The following PLCB4 variants were observed in gnomAD, a reference collection of about 807,000 sequenced individuals.
PLCB4 encodes the protein phospholipase C beta 4.
In PLCB4, 77 loss-of-function variants were observed where a neutral mutation model predicts 178.8. That is an observed-to-expected ratio of 0.43 (90% CI 0.36 to 0.52). The LOEUF (loss-of-function observed/expected upper bound fraction) is 0.52, where lower values mean the gene tolerates loss of function less well. Among genes scored for constraint, PLCB4 ranks in the 20% least tolerant of loss-of-function variants. PLCB4 has a pLI of 0.00. For missense variants in PLCB4, 1,024 were observed against 1,453.4 expected, an observed-to-expected ratio of 0.70 and a Z score of 4.80; for synonymous variants, 496 against 490.8, an observed-to-expected ratio of 1.01 and a Z score of -0.14.
intron 32 of PLCB4, among the ~76,000 whole-genome samples, chr20:9,451,176 G>A (rs923334287): frequency 6.6e-6 from 1 of 152,168 alleles, no homozygotes; most frequent in African/African-American, 2.4e-5. Flanking sequence ...CTCTTGTAGA[G>A]CATATTACAT....
chr20:9,244,114 G>A (rs1449565011), intron 3 of PLCB4, among the ~76,000 whole-genome samples: 1 of 152,100 alleles, frequency 6.6e-6, no homozygotes. Context: ...ATCTTGAGGT[G>A]TTGGTTAAGC....
At chr20:9,185,336 T>C (rs2093314483) in intron 2 of PLCB4, among the ~76,000 whole-genome samples, 1 of 152,196 alleles carries the variant, frequency 6.6e-6, no homozygotes, top group Admixed American at 6.5e-5. Context: ...TACTGAAATT[T>C]AGAAAGGGCA....
chr20:9,421,404 G>T lies in PLCB4; in HGVS notation c.2262G>T (p.Met754Ile). 8 of 1,613,950 alleles carry T rather than the reference G, an allele frequency of 5.0e-6. No homozygotes were observed. Among genetic ancestry groups the T allele is most frequent in the South Asian group, 1.1e-5 (1 of 91,066 alleles). Residue 754 changes from methionine to isoleucine, a missense_variant, in exon 27 of 40, where the codon ATG becomes ATT. By Grantham distance (10) the Met-to-Ile change is conservative. This residue lies in a region of PLCB4 where 227 missense variants were observed against 374.3 expected (regional missense o/e 0.61). Transcript: ENST00000378473. ...DTIRKEFRTR[M>I]VMNNGLNPVY... ...TACGTAAGGAATTCCGAACTCGCAT[G>T]GTTATGAATAATGGACTCAATCCAG...
intron 2 of PLCB4, among the ~76,000 whole-genome samples, chr20:9,110,216 T>TA (rs1285221739): frequency 6.6e-6 from 1 of 152,000 alleles, no homozygotes; most frequent in Non-Finnish European, 1.5e-5. Context: ...TTTTAAAACA[T>TA]ATAATAAAAA....
chr20:9,285,126 G>GC (rs1555775496), intron 3 of PLCB4, among the ~76,000 whole-genome samples: 1 of 146,818 alleles, frequency 6.8e-6, no homozygotes, highest in African/African-American at 2.5e-5. Flanking sequence ...TGCTAGGAAT[G>GC]TTTTTTTTTT....
intron 7 of PLCB4, among the ~76,000 whole-genome samples, chr20:9,350,348 T>G (rs1334618066): frequency 6.6e-6 from 1 of 152,168 alleles, no homozygotes; most frequent in Non-Finnish European, 1.5e-5. Flanking sequence ...ATGTATTATC[T>G]CATTTAACTC....
In PLCB4 at chr20:9,409,052, T is replaced by G; in HGVS notation, c.1875-5T>G. ...TTTTTTTCTGTTTTCCTTAATAAGTTACAGTTATAACAAACGGCAAATGAG... is the reference window on the plus strand; with the variant it reads ...TTTTTTTCTGTTTTCCTTAATAAGTGACAGTTATAACAAACGGCAAATGAG... On this transcript the variant is annotated splice_polypyrimidine_tract_variant and splice_region_variant and intron_variant, in intron 23 of 39. Transcript: ENST00000378473. The G allele has an allele frequency of 1.9e-6, 3 of 1,608,942 alleles. No individual in the cohort carries two copies. Among genetic ancestry groups the G allele is most frequent in the Non-Finnish European group, 2.5e-6 (3 of 1,178,826 alleles).
chr20:9,468,675 A>G lies in PLCB4; in HGVS notation c.3350+3A>G, dbSNP rs764990183. On this transcript the variant is annotated splice_donor_region_variant and intron_variant, in intron 36 of 39. Transcript: ENST00000378473. The stretch of plus-strand genomic sequence containing the variant: ...AAGAATAAAGCAGAACGGGAAAGGT[A>G]AGTCTGAGAGTGTTCACTGCAGGAA... The G allele has an allele frequency of 1.9e-6, 3 of 1,552,188 alleles. No individual in the cohort carries two copies. The highest frequency in any genetic ancestry group is 2.7e-5 in the African/African-American group (2 of 73,850).
intron 38 of PLCB4, among the ~76,000 whole-genome samples, chr20:9,476,485 G>T (rs2044551540): frequency 6.6e-6 from 1 of 152,146 alleles, no homozygotes; most frequent in African/African-American, 2.4e-5. Context: ...ACAGAAGAGA[G>T]GCACAGTCTG....
chr20:9,469,343 C>G (rs867516577), intron 36 of PLCB4, among the ~76,000 whole-genome samples: 7 of 152,304 alleles, frequency 4.6e-5, no homozygotes, highest in African/African-American at 1.7e-4. Flanking sequence ...GCAAGCCTCT[C>G]CCCTGCTCAG....
chr20:9,210,074 C>T (rs972492124), intron 2 of PLCB4, among the ~76,000 whole-genome samples: 7 of 151,698 alleles, frequency 4.6e-5, no homozygotes, highest in Admixed American at 3.3e-4. Flanking sequence ...CAAGTCACTA[C>T]GTTTGTGGCA....
chr20:9,287,219 A>G (rs1173234979), intron 3 of PLCB4, among the ~76,000 whole-genome samples: 3 of 152,058 alleles, frequency 2.0e-5, no homozygotes, highest in Non-Finnish European at 2.9e-5. Flanking sequence ...TTCAGGTATC[A>G]GACTCAGCTG....
chr20:9,269,396 G>A (rs2094381083), intron 3 of PLCB4, among the ~76,000 whole-genome samples: 1 of 152,106 alleles, frequency 6.6e-6, no homozygotes, highest in Admixed American at 6.6e-5. Flanking sequence ...AAGTACATTG[G>A]AAGTGGAGTC....
At chr20:9,385,836 C>T (rs2037588751) in intron 14 of PLCB4, among the ~76,000 whole-genome samples, 1 of 152,154 alleles carries the variant, frequency 6.6e-6, no homozygotes, top group Non-Finnish European at 1.5e-5. Flanking sequence ...AGATGCTCCC[C>T]ACTTCCTAGA....
rs139867288 is a variant in PLCB4, at chr20:9,338,915, C to G, written c.247C>G (p.Leu83Val). 1 of 1,613,288 alleles carries G rather than the reference C, an allele frequency of 6.2e-7. No individual in the cohort carries two copies. The highest frequency in any genetic ancestry group is 1.3e-5 in the African/African-American group (1 of 74,926). ...IPKDPKILAA[L>V]EAVGKSENDL... ...ACAGGATCCCAAAATCTTGGCTGCT[C>G]TTGAAGCTGTTGGAAAATCAGAAAA... The change falls in exon 7 of 40, where the codon CTT becomes GTT. Residue 83 changes from leucine (L) to valine (V), a missense_variant. Transcript: ENST00000378473.
chr20:9,437,838 C>T (rs2041868301), intron 30 of PLCB4, among the ~76,000 whole-genome samples: 1 of 152,218 alleles, frequency 6.6e-6, no homozygotes. Flanking sequence ...TTATGATACT[C>T]ATGCTTCTGT....
intron 20 of PLCB4, among the ~76,000 whole-genome samples, chr20:9,404,792 C>T (rs973804775): frequency 6.6e-6 from 1 of 152,108 alleles, no homozygotes; most frequent in Admixed American, 6.6e-5. Flanking sequence ...GGGGGGCCTT[C>T]TTCGTGTTTA....
At chr20:9,074,351 C>T (rs1227846028) in intron 1 of PLCB4, among the ~76,000 whole-genome samples, 3 of 152,132 alleles carry the variant, frequency 2.0e-5, no homozygotes, top group African/African-American at 4.8e-5. Flanking sequence ...GCTACGGAAA[C>T]ACCCTTGGGC....
chr20:9,257,896 A>G (rs1327843972), intron 3 of PLCB4, among the ~76,000 whole-genome samples: 1 of 152,200 alleles, frequency 6.6e-6, no homozygotes, highest in Non-Finnish European at 1.5e-5. Context: ...TATGAAAAGG[A>G]GGACTTCAAG....
Sources: gnomAD v4.1 joint callset for allele counts (sites outside exome capture counted in the v4.1 genomes callset) on GRCh38, gnomAD v4.1.1 for gene constraint, gnomAD v4.1.1 regional missense constraint, MANE v1.5 for transcripts, NCBI Gene and HGNC (gene_info 2026-07-23, HGNC 2026-07-21) for gene names.